The following ZMYM5 variants were observed in gnomAD, a reference collection of about 807,000 sequenced individuals.
ZMYM5 encodes the protein zinc finger MYM-type protein 5.
ZMYM5 carries 41 observed loss-of-function variants against 61.8 expected under a neutral mutation model. The ratio of observed to expected loss-of-function variants is 0.66; its 90% CI spans 0.52 to 0.86. The LOEUF (loss-of-function observed/expected upper bound fraction) is 0.86. Ranked by LOEUF, ZMYM5 falls within the 40% of genes least tolerant of loss-of-function variation. ZMYM5 has a pLI of 0.00. For synonymous variants in ZMYM5, 257 were observed against 276.4 expected, an observed-to-expected ratio of 0.93 and a Z score of 0.70; for missense variants, 706 against 786.7, an observed-to-expected ratio of 0.90 and a Z score of 1.23.
At chr13:19,857,896 G>A (rs1050105910) in intron 2 of ZMYM5, among the ~76,000 whole-genome samples, 17 of 151,764 alleles carry the variant, frequency 1.1e-4, no homozygotes, top group African/African-American at 3.6e-4. Context: ...GCCTGTAGTC[G>A]CTGCTACTTG....
chr13:19,826,862 T>A (rs941798892), intron 7 of ZMYM5, among the ~76,000 whole-genome samples: 2 of 151,236 alleles, frequency 1.3e-5, no homozygotes, highest in African/African-American at 4.9e-5. Flanking sequence ...AAATGTCCCA[T>A]CACAGATGAA....
Position 19,851,697 on chromosome 13 carries a change from T to C in ZMYM5, c.484A>G (p.Arg162Gly), listed in dbSNP as rs778605502. ...DLDFSTSSLS[R>G]SKTKTGVRPF... Reference sequence around the variant, plus strand: ...CCCATTCCTGCATTTACCTTACTTCTTGAAAGACTGGAAGTGGAGAAATCC... The same window carrying C: ...CCCATTCCTGCATTTACCTTACTTCCTGAAAGACTGGAAGTGGAGAAATCC... Residue 162 changes from arginine (R) to glycine (G), a missense_variant, in exon 3 of 8, where the codon AGA (arginine) becomes GGA (glycine). Transcript: ENST00000337963. 5 of 1,569,486 alleles carry C rather than the reference T, an allele frequency of 3.2e-6. No individual in the cohort carries two copies. The highest frequency in any genetic ancestry group is 1.2e-5 in the South Asian group (1 of 81,262).
intron 5 of ZMYM5, among the ~76,000 whole-genome samples, chr13:19,838,288 G>C: frequency 6.6e-6 from 1 of 152,190 alleles, no homozygotes; most frequent in East Asian, 1.9e-4. Flanking sequence ...TGAGGCAGGA[G>C]AATCGCTTGA....
At position 19,851,919 on chromosome 13, in the gene ZMYM5, T is replaced by C. The variant is rs1203001796; in HGVS notation, c.262A>G (p.Lys88Glu). 3 of 1,613,182 alleles carry C rather than the reference T, an allele frequency of 1.9e-6. No individual in the cohort carries two copies. Among genetic ancestry groups the C allele is most frequent in the Middle Eastern group, 1.7e-4 (1 of 6,058 alleles). ...TAATTTCCTTGAGGCTTTTCATTTT[T>C]TGATGATGCAAATATGAAGTTTCTT... ...DQRNFIFASS[K>E]NEKPQGNYSV... Residue 88 changes from lysine (K) to glutamate (E), a missense_variant, in exon 3 of 8, where the codon AAA (lysine) becomes GAA (glutamate). Transcript: ENST00000337963.
chr13:19,826,965 T>A (rs1363154990), intron 7 of ZMYM5, among the ~76,000 whole-genome samples: 1 of 152,168 alleles, frequency 6.6e-6, no homozygotes, highest in East Asian at 1.9e-4. Flanking sequence ...TTGAAAATAG[T>A]ATGACACATG....
At position 19,824,483 on chromosome 13, in the gene ZMYM5, G is replaced by C; in HGVS notation, c.2004C>G (p.Tyr668Ter). 3 of 1,298,288 alleles carry C rather than the reference G, an allele frequency of 2.3e-6. No homozygotes were observed. The highest frequency in any genetic ancestry group is 3.0e-6 in the Non-Finnish European group (3 of 995,442). 80.4% of individuals were successfully genotyped at this position (1,298,288 alleles called of 1,614,324 possible). The change falls in exon 8 of 8, where the codon TAC becomes TAG. Residue 668 changes from tyrosine to a stop codon, truncating the protein, a stop_gained. Transcript: ENST00000337963. LOFTEE classifies it high-confidence loss of function. ...AAAAAACAACTCAGGTATATTACGT[G>C]TACAACAACAGCACACCATCATTTT... ...NEKNDGVLLLYT is the reference protein window; with the variant it reads ...NEKNDGVLLL
intron 4 of ZMYM5, among the ~76,000 whole-genome samples, chr13:19,841,210 G>A (rs936814479): frequency 2.0e-5 from 3 of 151,492 alleles, no homozygotes; most frequent in Admixed American, 1.3e-4. Flanking sequence ...TGATCTGCCC[G>A]CCTCAGCCTC....
At chr13:19,835,926 C>T (rs1389605176) in intron 6 of ZMYM5, among the ~76,000 whole-genome samples, 2 of 151,924 alleles carry the variant, frequency 1.3e-5, no homozygotes, top group African/African-American at 2.4e-5. Flanking sequence ...CATGTTCAAG[C>T]GATTCTCCTG....
chr13:19,851,604 C>A, intron 3 of ZMYM5, 85 bp downstream of exon 3: 1 of 1,548,064 alleles, frequency 6.5e-7, no homozygotes, highest in South Asian at 1.3e-5. Flanking sequence ...GAGCTTATAC[C>A]TGTTTCTAAG....
chr13:19,834,334 A>T (rs1952612550), intron 7 of ZMYM5, among the ~76,000 whole-genome samples: 1 of 123,558 alleles, frequency 8.1e-6, no homozygotes, highest in African/African-American at 3.5e-5. Flanking sequence ...AAATATATTT[A>T]TTTTATAAAA....
At chr13:19,857,810 G>C (rs1307452593) in intron 2 of ZMYM5, among the ~76,000 whole-genome samples, 5 of 152,134 alleles carry the variant, frequency 3.3e-5, no homozygotes, top group Admixed American at 3.3e-4. Context: ...TTGAGCCCAG[G>C]AGTTCAAGAC....
intron 2 of ZMYM5, among the ~76,000 whole-genome samples, chr13:19,861,601 A>T (rs1171429084): frequency 6.6e-6 from 1 of 152,244 alleles, no homozygotes; most frequent in East Asian, 1.9e-4. Context: ...GAGATAAGCT[A>T]ATCACAAGTT....
rs1441712243 is a variant in ZMYM5 at position 19,825,509 on chromosome 13, C to T, written c.1252-274G>A. Among the ~76,000 whole-genome samples, 4 of 151,892 alleles carry T rather than the reference C, an allele frequency of 2.6e-5. No individual in the cohort carries two copies. In the East Asian group the frequency reaches 7.8e-4, roughly 29 times the overall value. On this transcript the variant is annotated intron_variant, in intron 7 of 7. Transcript: ENST00000337963. ...AAAAATACAAAAATTAGCCGGGCCACAGTGGCATGCGCCTGTAATCCCAGC... is the reference window on the plus strand; with the variant it reads ...AAAAATACAAAAATTAGCCGGGCCATAGTGGCATGCGCCTGTAATCCCAGC...
At position 19,824,990 on chromosome 13, in the gene ZMYM5, T is replaced by G; in HGVS notation, c.1497A>C (p.Thr499=). 7.3e-7 allele frequency: 1 copy of G among 1,367,346 alleles called. No individual in the cohort carries two copies. The highest frequency in any genetic ancestry group is 9.8e-7 in the Non-Finnish European group (1 of 1,021,720). The allele number at this position is 1,367,346 out of a possible 1,614,324, so 84.7% of individuals were successfully genotyped here. The change falls in exon 8 of 8, where the codon ACA becomes ACC. Residue 499 remains threonine (T), a synonymous_variant. Coordinates refer to ENST00000337963, the MANE Select transcript of ZMYM5 (RefSeq NM_001142684.2). ...PPSSTSTIAD[T]FQEQLEEKNF... is the part of the protein sequence containing the mutation. ...TTTTCTCTTCCAGTTGCTCTTGAAA[T>G]GTATCAGCTATGGTTGACGTGGAAG...
intron 2 of ZMYM5, among the ~76,000 whole-genome samples, chr13:19,857,456 C>T (rs1217679242): frequency 6.6e-6 from 1 of 152,086 alleles, no homozygotes; most frequent in African/African-American, 2.4e-5. Flanking sequence ...TATAAGCACA[C>T]CTATTTAAAA....
At chr13:19,847,228 C>G (rs1953106128) in intron 4 of ZMYM5, among the ~76,000 whole-genome samples, 1 of 152,180 alleles carries the variant, frequency 6.6e-6, no homozygotes. Flanking sequence ...GGATTATAGG[C>G]ATGAGCCACT....
chr13:19,851,614 G>C (rs191600307), intron 3 of ZMYM5, 75 bp downstream of exon 3: 1 of 1,540,364 alleles, frequency 6.5e-7, no homozygotes, highest in Non-Finnish European at 8.7e-7. Flanking sequence ...CTGTTTCTAA[G>C]GTTGTAACAT....
At chr13:19,859,038 C>T (rs1953621544) in intron 2 of ZMYM5, among the ~76,000 whole-genome samples, 2 of 152,036 alleles carry the variant, frequency 1.3e-5, no homozygotes, top group East Asian at 3.9e-4. Flanking sequence ...GAAATATCTC[C>T]TCTCCATTGC....
intron 4 of ZMYM5, among the ~76,000 whole-genome samples, chr13:19,849,706 G>A (rs1365863693): frequency 6.6e-6 from 1 of 152,060 alleles, no homozygotes; most frequent in Non-Finnish European, 1.5e-5. Flanking sequence ...TTGGCCGGGC[G>A]CGGTGGCTCA....
Sources: allele counts gnomAD v4.1 joint callset (sites outside exome capture counted in the v4.1 genomes callset), GRCh38; gene constraint gnomAD v4.1.1; transcripts MANE v1.5; gene names NCBI Gene and HGNC (gene_info 2026-07-23, HGNC 2026-07-21).